The following CSMD3 variants were observed in gnomAD, a reference collection of about 807,000 sequenced individuals.
CSMD3 encodes the protein CUB and sushi domain-containing protein 3.
In CSMD3, 177 loss-of-function variants were observed where a neutral mutation model predicts 435.2. The ratio of observed to expected loss-of-function variants is 0.41; its 90% CI spans 0.36 to 0.46. The LOEUF (loss-of-function observed/expected upper bound fraction) is 0.46, where lower values mean the gene tolerates loss of function less well. CSMD3 is among the 20% of genes least tolerant of loss of function. The probability of loss-of-function intolerance (pLI) is 0.34; values close to 1 mark genes in which losing one functional copy is unlikely to be tolerated. For synonymous variants in CSMD3, 1,656 were observed against 1,520.5 expected (o/e 1.09, Z -2.07); for missense variants, 4,265 against 4,504.6 (o/e 0.95, Z 1.52).
intron 9 of CSMD3, among the ~76,000 whole-genome samples, chr8:112,923,470 T>C (rs2082810326): frequency 6.6e-6 from 1 of 152,146 alleles, no homozygotes; most frequent in Admixed American, 6.6e-5. Context: ...ATATTAAGCA[T>C]GTGCCTCCCT....
rs2130987147 is a variant in CSMD3 at position 112,517,040 on chromosome 8, A to G, written c.4750T>C (p.Cys1584Arg). ...RYFWQPSPPV[C>R]IAPCGGNLTG... The stretch of plus-strand genomic sequence containing the variant: ...ATTGTTCTTTAATTCATACCTATAC[A>G]GACTGGTGGGCTGGGCTGCCAGAAG... The change falls in exon 28 of 71, where the codon TGT becomes CGT. Residue 1584 changes from cysteine (C) to arginine (R), a missense_variant. By Grantham distance (180) the Cys-to-Arg change is radical. Around this residue, in one of 3 missense-constraint regions of CSMD3, gnomAD observed 3,255 missense variants for 3,380.2 expected, o/e 0.96. Transcript: ENST00000297405. 2 of 1,611,962 alleles carry G rather than the reference A, an allele frequency of 1.2e-6. No individual in the cohort carries two copies. Among genetic ancestry groups the G allele is most frequent in the Non-Finnish European group, 1.7e-6 (2 of 1,178,418 alleles).
intron 4 of CSMD3, among the ~76,000 whole-genome samples, chr8:113,163,171 CA>C (rs1454711379): frequency 6.6e-6 from 1 of 152,134 alleles, no homozygotes; most frequent in Non-Finnish European, 1.5e-5. Flanking sequence ...ATTAACATTT[CA>C]GCCATCGGAT....
chr8:112,667,934 A>G (rs1347404437), intron 16 of CSMD3, among the ~76,000 whole-genome samples: 2 of 152,108 alleles, frequency 1.3e-5, no homozygotes, highest in Non-Finnish European at 2.9e-5. Context: ...CAATTGCTCT[A>G]GACACTATTT....
At chr8:112,618,081 T>C (rs1288769450) in intron 22 of CSMD3, among the ~76,000 whole-genome samples, 1 of 152,046 alleles carries the variant, frequency 6.6e-6, no homozygotes. Context: ...AAGAAAATTC[T>C]CTGGATTAAG....
chr8:112,553,192 C>A (rs1827836341), intron 25 of CSMD3, among the ~76,000 whole-genome samples: 1 of 151,970 alleles, frequency 6.6e-6, no homozygotes, highest in African/African-American at 2.4e-5. Flanking sequence ...CATTTTAAAC[C>A]CTTTCCCTTG....
chr8:112,255,650 C>T, intron 61 of CSMD3: 1 of 548,430 alleles, frequency 1.8e-6, no homozygotes, highest in Non-Finnish European at 3.2e-6. Context: ...TCGATGTTTT[C>T]CACTTAGTAA....
intron 22 of CSMD3, among the ~76,000 whole-genome samples, chr8:112,589,860 C>T (rs1370947648): frequency 6.6e-6 from 1 of 152,004 alleles, no homozygotes; most frequent in Non-Finnish European, 1.5e-5. Flanking sequence ...TATCTGTCAG[C>T]CATAGTGACA....
At chr8:112,927,529 A>G (rs1305953547) in intron 9 of CSMD3, among the ~76,000 whole-genome samples, 2 of 152,118 alleles carry the variant, frequency 1.3e-5, no homozygotes, top group African/African-American at 4.8e-5. Context: ...AAGTGATGGT[A>G]TTAATCTGTT....
chr8:112,629,363 A>G (rs745400836), intron 22 of CSMD3, among the ~76,000 whole-genome samples: 1 of 152,040 alleles, frequency 6.6e-6, no homozygotes, highest in Non-Finnish European at 1.5e-5. Context: ...CACAATGCCT[A>G]GATAATTTTT....
At chr8:112,295,491 A>G (rs1275190114) in intron 54 of CSMD3, among the ~76,000 whole-genome samples, 1 of 152,048 alleles carries the variant, frequency 6.6e-6, no homozygotes, top group Non-Finnish European at 1.5e-5. Context: ...AAACCTTGAT[A>G]CAGCTACACA....
intron 9 of CSMD3, among the ~76,000 whole-genome samples, chr8:112,937,570 T>C (rs1451085329): frequency 6.6e-6 from 1 of 151,924 alleles, no homozygotes; most frequent in East Asian, 1.9e-4. Context: ...AGACTGGTCT[T>C]GAACTCCTGA....
At position 112,593,809 on chromosome 8, in the gene CSMD3, C is replaced by T. The variant is rs117666934; in HGVS notation, c.3716-6574G>A. ...TCAATTAAAATGAATACTGAGAGTA[C>T]ATTGATTTGGGCAATTAAGAGTTTG... On this transcript the variant is annotated intron_variant, in intron 22 of 70. Transcript: ENST00000297405. Among the ~76,000 whole-genome samples the T allele has an allele frequency of 5.4e-3, 817 of 152,102 alleles. 5 individuals are homozygous for T. Among genetic ancestry groups the T allele is most frequent in the Non-Finnish European group, 8.3e-3 (563 of 67,994 alleles).
intron 6 of CSMD3, among the ~76,000 whole-genome samples, chr8:113,009,770 C>T (rs946937099): frequency 6.6e-6 from 1 of 151,700 alleles, no homozygotes; most frequent in Non-Finnish European, 1.5e-5. Context: ...GAAATTATTA[C>T]CTTTCCCAAT....
At chr8:112,787,403 G>A (rs2078573419) in intron 13 of CSMD3, among the ~76,000 whole-genome samples, 1 of 152,010 alleles carries the variant, frequency 6.6e-6, no homozygotes. Flanking sequence ...TTACTATGGA[G>A]AACAGTATGG....
chr8:112,987,454 C>T (rs2085297444), intron 6 of CSMD3, among the ~76,000 whole-genome samples: 1 of 152,038 alleles, frequency 6.6e-6, no homozygotes, highest in Admixed American at 6.6e-5. Context: ...AAGCAATAGA[C>T]ATTTATTGAG....
intron 42 of CSMD3, among the ~76,000 whole-genome samples, chr8:112,339,822 C>G (rs1028984524): frequency 1.3e-5 from 2 of 152,086 alleles, no homozygotes; most frequent in African/African-American, 4.8e-5. Context: ...TTAAAATGCA[C>G]TAGGTTAGTT....
chr8:113,263,868 T>C (rs1323693311), intron 3 of CSMD3, among the ~76,000 whole-genome samples: 1 of 151,840 alleles, frequency 6.6e-6, no homozygotes. Flanking sequence ...TTATTTCAAG[T>C]ACTGAGAAAA....
At chr8:112,448,754 T>C (rs1480510137) in intron 32 of CSMD3, among the ~76,000 whole-genome samples, 27 of 100,298 alleles carry the variant, frequency 2.7e-4, no homozygotes, top group African/African-American at 9.1e-4. Context: ...GTACAATCTA[T>C]TAAAAAAAAA....
chr8:113,350,259 C>T (rs2094181211), intron 1 of CSMD3, among the ~76,000 whole-genome samples: 5 of 151,956 alleles, frequency 3.3e-5, no homozygotes, highest in Admixed American at 3.3e-4. Flanking sequence ...GTTTTTAAGT[C>T]ATTAATTTGT....
Sources: allele counts gnomAD v4.1 joint callset (sites outside exome capture counted in the v4.1 genomes callset), GRCh38; gene constraint gnomAD v4.1.1; regional missense constraint gnomAD v4.1.1; transcripts MANE v1.5; gene names NCBI Gene and HGNC (gene_info 2026-07-23, HGNC 2026-07-21).